PRKG1: variants seen among roughly 807,000 people sequenced by gnomAD.
PRKG1 encodes cGMP-dependent protein kinase 1.
PRKG1 carries 35 observed loss-of-function variants against 88.1 expected under a neutral mutation model. The ratio of observed to expected loss-of-function variants is 0.40; its 90% CI spans 0.30 to 0.53. The LOEUF is 0.53. Ranked by LOEUF, PRKG1 falls within the 20% of genes least tolerant of loss-of-function variation. The probability of loss-of-function intolerance (pLI) is 0.59; values close to 1 mark genes in which losing one functional copy is unlikely to be tolerated. For missense variants in PRKG1, 540 were observed against 839.8 expected (o/e 0.64, Z 4.41); for synonymous variants, 303 against 292.5 (o/e 1.04, Z -0.37).
chr10:51,310,577 G>T (rs1354352922), intron 2 of PRKG1, among the ~76,000 whole-genome samples: 1 of 152,102 alleles, frequency 6.6e-6, no homozygotes, highest in East Asian at 1.9e-4. Flanking sequence ...CTTATACTTG[G>T]CTGACTTTTC....
chr10:51,171,208 C>T (rs536354110), intron 2 of PRKG1, among the ~76,000 whole-genome samples: 25 of 152,006 alleles, frequency 1.6e-4, no homozygotes, highest in Non-Finnish European at 3.4e-4. Context: ...AATGGAGTGG[C>T]CTTTTACAGA....
At chr10:51,705,193 A>G (rs1841576495) in intron 3 of PRKG1, among the ~76,000 whole-genome samples, 1 of 151,754 alleles carries the variant, frequency 6.6e-6, no homozygotes, top group Non-Finnish European at 1.5e-5. Context: ...CCATGTTTAA[A>G]TCTTTCTGTT....
At chr10:51,570,754 A>G (rs1396398972) in intron 3 of PRKG1, among the ~76,000 whole-genome samples, 2 of 151,934 alleles carry the variant, frequency 1.3e-5, no homozygotes, top group Non-Finnish European at 2.9e-5. Context: ...TCCTTTAAAA[A>G]TTGATGTATA....
At chr10:51,709,052 G>A (rs751753864) in intron 3 of PRKG1, among the ~76,000 whole-genome samples, 3 of 152,200 alleles carry the variant, frequency 2.0e-5, no homozygotes, top group South Asian at 2.1e-4. Flanking sequence ...GCCAGAGAAA[G>A]TTTGTCCACA....
At chr10:51,893,206 T>G (rs1841765069) in intron 4 of PRKG1, among the ~76,000 whole-genome samples, 1 of 151,954 alleles carries the variant, frequency 6.6e-6, no homozygotes. Context: ...TTCAGTGAGT[T>G]TTTTAGAAGG....
intron 4 of PRKG1, among the ~76,000 whole-genome samples, chr10:51,854,827 A>C (rs1183353193): frequency 6.6e-6 from 1 of 152,120 alleles, no homozygotes; most frequent in East Asian, 1.9e-4. Flanking sequence ...AAATTAAGAA[A>C]ATAAATATAA....
intron 3 of PRKG1, among the ~76,000 whole-genome samples, chr10:51,649,057 G>A (rs1048630879): frequency 6.6e-6 from 1 of 152,118 alleles, no homozygotes; most frequent in Non-Finnish European, 1.5e-5. Context: ...AATGCCTAAA[G>A]TATCTATAGA....
At chr10:51,842,346 A>G (rs1390517261) in intron 4 of PRKG1, among the ~76,000 whole-genome samples, 1 of 152,232 alleles carries the variant, frequency 6.6e-6, no homozygotes, top group Non-Finnish European at 1.5e-5. Context: ...ACTGAGTGTT[A>G]TGAGGACACA....
At chr10:51,105,654 T>G (rs970536660) in intron 1 of PRKG1, among the ~76,000 whole-genome samples, 1 of 152,210 alleles carries the variant, frequency 6.6e-6, no homozygotes, top group African/African-American at 2.4e-5. Context: ...GCTGTTATCC[T>G]AAACCTGGAG....
At chr10:52,143,684 C>A (rs1386023147) in intron 8 of PRKG1, among the ~76,000 whole-genome samples, 3 of 152,108 alleles carry the variant, frequency 2.0e-5, no homozygotes, top group Non-Finnish European at 4.4e-5. Flanking sequence ...ACAAGAGAAA[C>A]CTCAAGAGCC....
At chr10:51,233,319 C>T (rs1444357298) in intron 2 of PRKG1, among the ~76,000 whole-genome samples, 1 of 152,066 alleles carries the variant, frequency 6.6e-6, no homozygotes, top group Non-Finnish European at 1.5e-5. Context: ...ATGAGAACAC[C>T]CCATTTTACA....
chr10:51,112,098 G>T (rs373173284), intron 1 of PRKG1, among the ~76,000 whole-genome samples: 1 of 152,132 alleles, frequency 6.6e-6, no homozygotes, highest in East Asian at 1.9e-4. Context: ...AGACAGTAAA[G>T]AACTTTTCCT....
chr10:52,298,200 C>CAA lies in PRKG1; in HGVS notation c.*4301_*4302insAA, dbSNP rs1842420800. ...ATGCAACAAACTGTCATCAAATGGT[C>CAA]ATTGACCACTTGCACTCTTTTGATG... On this transcript the variant is annotated 3_prime_UTR_variant, in exon 18 of 18. Transcript: ENST00000373980. The CAA allele has an allele frequency of 6.6e-6, 1 of 151,846 alleles. No individual in the cohort carries two copies. Among genetic ancestry groups the CAA allele is most frequent in the African/African-American group, 2.4e-5 (1 of 41,334 alleles). The allele number at this position is 151,846 out of a possible 1,614,324, so 9.4% of individuals were successfully genotyped here. A position where few individuals can be genotyped will look rare whatever the true frequency, so the allele number is the denominator to read the frequency against.
chr10:52,176,325 T>C (rs577382823), intron 9 of PRKG1, among the ~76,000 whole-genome samples: 13 of 152,026 alleles, frequency 8.6e-5, no homozygotes, highest in African/African-American at 3.1e-4. Context: ...CAGTTGGCTA[T>C]AGATAAGAGG....
rs151078105 is a variant in PRKG1 at position 52,248,019 on chromosome 10, G to A, written c.1077-3551G>A. Among the ~76,000 whole-genome samples, 1,237 of 152,344 alleles carry A rather than the reference G, an allele frequency of 8.1e-3. 17 individuals are homozygous for A. Among genetic ancestry groups the A allele is most frequent in the African/African-American group, 0.028 (1,173 of 41,590 alleles). On this transcript the variant is annotated intron_variant, in intron 9 of 17. Coordinates refer to ENST00000373980, the MANE Select transcript of PRKG1 (RefSeq NM_006258.4). ...AAAAGTATCCCTTATGGGAAACGAA[G>A]GGATGGGCCAAATTAAAGAAATACG...
chr10:51,287,297 A>G (rs1361057671), intron 2 of PRKG1, among the ~76,000 whole-genome samples: 1 of 152,166 alleles, frequency 6.6e-6, no homozygotes, highest in Non-Finnish European at 1.5e-5. Flanking sequence ...ATAGACACTC[A>G]CTATCATGGC....
chr10:52,014,084 A>G (rs1844970809), intron 5 of PRKG1, among the ~76,000 whole-genome samples: 1 of 152,192 alleles, frequency 6.6e-6, no homozygotes, highest in Non-Finnish European at 1.5e-5. Flanking sequence ...GTGGGAAAGA[A>G]AAAGGAAAGG....
At chr10:52,244,303 A>C (rs1017757104) in intron 9 of PRKG1, among the ~76,000 whole-genome samples, 16 of 152,066 alleles carry the variant, frequency 1.1e-4, no homozygotes, top group Non-Finnish European at 1.9e-4. Context: ...AAGAAACGCT[A>C]AGATGGTTCT....
chr10:52,150,180 A>ATTATTATTATTATTATT (rs1554810280), intron 8 of PRKG1, among the ~76,000 whole-genome samples: 35 of 137,202 alleles, frequency 2.6e-4, no homozygotes, highest in South Asian at 1.3e-3. Flanking sequence ...TAATAATAAT[A>ATTATTATTATTATTATT]ATAATTTGAT....
Sources: gnomAD v4.1 joint callset for allele counts (sites outside exome capture counted in the v4.1 genomes callset) on GRCh38, gnomAD v4.1.1 for gene constraint, MANE v1.5 for transcripts, NCBI Gene and HGNC (gene_info 2026-07-23, HGNC 2026-07-21) for gene names.